The following ARMH4 variants were observed in gnomAD, a reference collection of about 807,000 sequenced individuals.
ARMH4 encodes the protein armadillo-like helical domain-containing protein 4.
In ARMH4, 49 loss-of-function variants were observed where a neutral mutation model predicts 61.9. The observed-to-expected ratio is 0.79, with a 90% CI of 0.63 to 1.00. The LOEUF (loss-of-function observed/expected upper bound fraction) is 1.00. Among genes scored for constraint, ARMH4 ranks in the 50% least tolerant of loss-of-function variants. The pLI, the probability that ARMH4 is intolerant of heterozygous loss-of-function variation, is 0.00. For missense variants in ARMH4, 934 were observed against 930.0 expected (o/e 1.00, Z -0.06); for synonymous variants, 368 against 341.5 (o/e 1.08, Z -0.85).
chr14:58,130,566 G>A (rs1490032336), intron 4 of ARMH4, among the ~76,000 whole-genome samples: 1 of 152,086 alleles, frequency 6.6e-6, no homozygotes, highest in East Asian at 1.9e-4. Flanking sequence ...CTATTCACCT[G>A]CCAAAATGCT....
At chr14:58,099,235 A>T (rs183204822) in intron 4 of ARMH4, among the ~76,000 whole-genome samples, 1 of 152,342 alleles carries the variant, frequency 6.6e-6, no homozygotes, top group East Asian at 1.9e-4. Context: ...ATAATATTCA[A>T]AGCCTTGAGA....
chr14:58,009,892 G>A (rs968706956), intron 6 of ARMH4, among the ~76,000 whole-genome samples: 9 of 151,246 alleles, frequency 6.0e-5, no homozygotes, highest in Admixed American at 1.3e-4. Flanking sequence ...GGGTGGGGGC[G>A]GATTGGCTAT....
intron 1 of ARMH4, among the ~76,000 whole-genome samples, chr14:58,150,270 C>G (rs1887878566): frequency 1.3e-5 from 2 of 152,192 alleles, no homozygotes; most frequent in African/African-American, 4.8e-5. Context: ...TAAGATTGAC[C>G]TCACATCTTG....
At chr14:58,063,340 C>T (rs1455303671) in intron 5 of ARMH4, among the ~76,000 whole-genome samples, 1 of 152,154 alleles carries the variant, frequency 6.6e-6, no homozygotes, top group Non-Finnish European at 1.5e-5. Context: ...TATATGAAGA[C>T]TTTATTTCCA....
chr14:58,066,310 T>C lies in ARMH4; in HGVS notation c.2089+30414A>G, dbSNP rs368028366. 3.3e-5 allele frequency among the ~76,000 whole-genome samples: 5 copies of C among 152,344 alleles called. No individual in the cohort carries two copies. In the South Asian group the frequency reaches 8.3e-4, roughly 25 times the overall value. On this transcript the variant is annotated intron_variant, in intron 5 of 7. Coordinates refer to ENST00000267485, the MANE Select transcript of ARMH4 (RefSeq NM_001001872.4). ...TCCACATGCCAGTTGAGAAAGCCAG[T>C]CCTGTTCTTCATAGTTACCTTGAAG...
chr14:58,133,465 AAG>A, intron 2 of ARMH4, 124 bp from the exon 3 acceptor site: 1 of 868,764 alleles, frequency 1.2e-6, no homozygotes, highest in Non-Finnish European at 1.7e-6. Flanking sequence ...TGGGGAAGCA[AAG>A]AGAGAACTCA....
rs1882000200 is a variant in ARMH4, at chr14:58,001,932, A to T, written c.*2804T>A. The T allele has an allele frequency of 6.6e-6, 1 of 152,096 alleles. No homozygotes were observed. Among genetic ancestry groups the T allele is most frequent in the African/African-American group, 2.4e-5 (1 of 41,414 alleles). 9.4% of individuals were successfully genotyped at this position (152,096 alleles called of 1,614,324 possible). A position where few individuals can be genotyped will look rare whatever the true frequency, so the allele number is the denominator to read the frequency against. ...TCAGTCCAGTGGGGATGGTGTTCAC[A>T]ACTGAAGCTGCAGGAATCAGCCCTC... On this transcript the variant is annotated 3_prime_UTR_variant, in exon 8 of 8. Transcript: ENST00000267485.
intron 5 of ARMH4, among the ~76,000 whole-genome samples, chr14:58,094,396 A>C (rs894363097): frequency 6.6e-6 from 1 of 151,878 alleles, no homozygotes; most frequent in Non-Finnish European, 1.5e-5. Flanking sequence ...CAGGAGGACA[A>C]CAGAGCTTTT....
At chr14:58,057,876 G>A (rs1884399371) in intron 5 of ARMH4, among the ~76,000 whole-genome samples, 1 of 152,134 alleles carries the variant, frequency 6.6e-6, no homozygotes, top group East Asian at 1.9e-4. Flanking sequence ...ACAAGAGAGA[G>A]GACCTTGCTA....
intron 1 of ARMH4, among the ~76,000 whole-genome samples, chr14:58,151,598 G>C (rs1433305320): frequency 6.6e-6 from 1 of 152,198 alleles, no homozygotes; most frequent in Non-Finnish European, 1.5e-5. Flanking sequence ...GCAACGATTC[G>C]CTCCTCGATT....
At chr14:58,043,776 T>C (rs1352395125) in intron 5 of ARMH4, among the ~76,000 whole-genome samples, 1 of 152,186 alleles carries the variant, frequency 6.6e-6, no homozygotes, top group Non-Finnish European at 1.5e-5. Context: ...ACAAAATCAA[T>C]GTGCAAAAAT....
intron 5 of ARMH4, among the ~76,000 whole-genome samples, chr14:58,081,323 A>AG (rs535489773): frequency 9.8e-4 from 149 of 152,078 alleles, no homozygotes; most frequent in African/African-American, 3.4e-3. Context: ...CAGGATCCCC[A>AG]GGGGGATCTG....
intron 5 of ARMH4, among the ~76,000 whole-genome samples, chr14:58,065,838 G>C (rs1015143928): frequency 2.0e-5 from 3 of 152,234 alleles, no homozygotes; most frequent in Admixed American, 6.5e-5. Flanking sequence ...GCAAGCTGTT[G>C]TGAGCTGCAT....
At chr14:58,094,439 A>G (rs903022492) in intron 5 of ARMH4, among the ~76,000 whole-genome samples, 4 of 152,140 alleles carry the variant, frequency 2.6e-5, no homozygotes, top group Non-Finnish European at 5.9e-5. Context: ...AAGCCTTAAA[A>G]TTTAACTGCT....
chr14:58,061,032 C>A (rs1005688848), intron 5 of ARMH4, among the ~76,000 whole-genome samples: 2 of 152,170 alleles, frequency 1.3e-5, no homozygotes, highest in Admixed American at 6.5e-5. Flanking sequence ...CCTGCTTGAG[C>A]CCCTCAGACC....
At chr14:58,066,667 T>A (rs574390045) in intron 5 of ARMH4, among the ~76,000 whole-genome samples, 48 of 152,334 alleles carry the variant, frequency 3.2e-4, no homozygotes, top group African/African-American at 1.2e-3. Context: ...AGAAACGTTT[T>A]TAGCCAGAAG....
chr14:58,098,674 G>T (rs1885843761), intron 4 of ARMH4, among the ~76,000 whole-genome samples: 1 of 152,182 alleles, frequency 6.6e-6, no homozygotes, highest in African/African-American at 2.4e-5. Context: ...AGGCAGGTGT[G>T]GCCTCGCTGT....
At chr14:58,034,321 A>G (rs988635953) in intron 5 of ARMH4, among the ~76,000 whole-genome samples, 3 of 116,646 alleles carry the variant, frequency 2.6e-5, no homozygotes, top group African/African-American at 9.6e-5. Flanking sequence ...TAAGTGAAGG[A>G]GAAATAAAAT....
chr14:58,113,387 A>G (rs528760684), intron 4 of ARMH4, among the ~76,000 whole-genome samples: 1 of 152,284 alleles, frequency 6.6e-6, no homozygotes, highest in East Asian at 1.9e-4. Context: ...AATCTAGGTT[A>G]TTTCAAGATT....
Sources: allele counts gnomAD v4.1 joint callset (sites outside exome capture counted in the v4.1 genomes callset), GRCh38; gene constraint gnomAD v4.1.1; transcripts MANE v1.5; gene names NCBI Gene and HGNC (gene_info 2026-07-23, HGNC 2026-07-21).